The following CPLX1 variants were observed in gnomAD, a reference collection of about 807,000 sequenced individuals.
CPLX1 encodes complexin 1.
Under a neutral mutation model 15.6 loss-of-function variants are expected in CPLX1, and 6 were observed. That is an observed-to-expected ratio of 0.39 (90% CI 0.21 to 0.76). The LOEUF is 0.76. CPLX1 is among the 30% of genes least tolerant of loss of function. The pLI, the probability that CPLX1 is intolerant of heterozygous loss-of-function variation, is 0.43. For missense variants in CPLX1, 242 were observed against 188.6 expected (o/e 1.28, Z -1.66); for synonymous variants, 91 against 75.2 (o/e 1.21, Z -1.08).
chr4:808,348 C>T (rs1746596216), intron 2 of CPLX1, among the ~76,000 whole-genome samples: 2 of 152,174 alleles, frequency 1.3e-5, no homozygotes, highest in African/African-American at 4.8e-5. Context: ...ACCACGGTTA[C>T]CACATCTCCA....
intron 2 of CPLX1, among the ~76,000 whole-genome samples, chr4:810,104 C>G (rs1721496284): frequency 7.0e-6 from 1 of 143,650 alleles, no homozygotes; most frequent in Non-Finnish European, 1.5e-5. Context: ...GGCTGGAGTG[C>G]AGTGGCATGA....
rs755593075 is a variant in CPLX1, at chr4:824,573, G to A, written c.-51C>T. ...CTCCTCCAGGGGTCAGAACTCACACGCAAGTATGGCCGGGAGCGAGTGTTC... is the reference window on the plus strand; with the variant it reads ...CTCCTCCAGGGGTCAGAACTCACACACAAGTATGGCCGGGAGCGAGTGTTC... On this transcript the variant is annotated 5_prime_UTR_variant, in exon 2 of 4. Coordinates refer to ENST00000304062, the MANE Select transcript of CPLX1 (RefSeq NM_006651.4). The A allele has an allele frequency of 5.0e-6, 8 of 1,593,752 alleles. No homozygotes were observed. The highest frequency in any genetic ancestry group is 1.3e-5 in the African/African-American group (1 of 74,566).
chr4:817,580 A>G (rs1351017262), intron 2 of CPLX1, among the ~76,000 whole-genome samples: 2 of 152,030 alleles, frequency 1.3e-5, no homozygotes, highest in Non-Finnish European at 2.9e-5. Context: ...AAATCAGTCC[A>G]AGGAGACTCC....
chr4:788,370 G>A, intron 3 of CPLX1: 2 of 985,300 alleles, frequency 2.0e-6, no homozygotes, highest in Non-Finnish European at 2.4e-6. Flanking sequence ...TCAGTGAGAT[G>A]GAAAGGAGGG....
intron 3 of CPLX1, among the ~76,000 whole-genome samples, chr4:792,001 T>G (rs940153275): frequency 1.8e-4 from 27 of 152,282 alleles, no homozygotes; most frequent in Admixed American, 1.7e-3. Flanking sequence ...CTTGCGTGGC[T>G]GTCCTGGTGC....
chr4:793,519 G>A (rs969274763), intron 2 of CPLX1, among the ~76,000 whole-genome samples: 3 of 152,218 alleles, frequency 2.0e-5, no homozygotes, highest in African/African-American at 7.2e-5. Flanking sequence ...GGCACTGCGG[G>A]GAGCCCTGGC....
chr4:797,980 G>T (rs1746377245), intron 2 of CPLX1, among the ~76,000 whole-genome samples: 1 of 151,034 alleles, frequency 6.6e-6, no homozygotes, highest in East Asian at 2.0e-4. Flanking sequence ...ATAAACAAAA[G>T]AACAGACATA....
At chr4:788,794 G>GC (rs1451649733) in intron 3 of CPLX1, among the ~76,000 whole-genome samples, 1 of 152,252 alleles carries the variant, frequency 6.6e-6, no homozygotes, top group African/African-American at 2.4e-5. Context: ...GGGGGTCTGT[G>GC]CATGTGGCGG....
At chr4:787,032 T>C (rs1312422297) in intron 3 of CPLX1, 2 of 984,968 alleles carry the variant, frequency 2.0e-6, no homozygotes, top group Non-Finnish European at 2.4e-6. Context: ...CCAGGAAGCC[T>C]CCGGCCCGGG....
At position 785,491 on chromosome 4, in the gene CPLX1, C is replaced by T. The variant is rs1031745129; in HGVS notation, c.*1010G>A. On this transcript the variant is annotated 3_prime_UTR_variant, in exon 4 of 4. Coordinates refer to ENST00000304062, the MANE Select transcript of CPLX1 (RefSeq NM_006651.4). The stretch of plus-strand genomic sequence containing the variant: ...GATAAAACTCATTAAATGCAAAGAC[C>T]TCATTTACCTGAGATTCAACAAATT... 3.3e-5 allele frequency: 5 copies of T among 152,580 alleles called. No homozygotes were observed. The highest frequency in any genetic ancestry group is 2.1e-4 in the South Asian group (1 of 4,836). 9.5% of individuals were successfully genotyped at this position (152,580 alleles called of 1,614,324 possible). A position where few individuals can be genotyped will look rare whatever the true frequency, so the allele number is the denominator to read the frequency against.
At chr4:809,974 C>T (rs1260305442) in intron 2 of CPLX1, among the ~76,000 whole-genome samples, 2 of 152,102 alleles carry the variant, frequency 1.3e-5, no homozygotes, top group Non-Finnish European at 2.9e-5. Flanking sequence ...TGGATGCACA[C>T]GGCTCCTTCA....
intron 2 of CPLX1, among the ~76,000 whole-genome samples, chr4:814,115 C>T (rs534519177): frequency 6.6e-6 from 1 of 152,188 alleles, no homozygotes; most frequent in Non-Finnish European, 1.5e-5. Context: ...CCTGCTTTTC[C>T]CACCACTTGC....
chr4:801,277 G>A (rs532207008), intron 2 of CPLX1, among the ~76,000 whole-genome samples: 16 of 152,004 alleles, frequency 1.1e-4, no homozygotes, highest in Admixed American at 2.6e-4. Flanking sequence ...AGCCGAGATC[G>A]GGCCACTGCA....
rs1238109910 is a variant in CPLX1 at position 785,715 on chromosome 4, C to T, written c.*786G>A. On this transcript the variant is annotated 3_prime_UTR_variant, in exon 4 of 4. Coordinates refer to ENST00000304062, the MANE Select transcript of CPLX1 (RefSeq NM_006651.4). ...TCCGGTGCCTCGGGCCTCTGCGGCT[C>T]CTGTGGAGGGTGCAGTGTTCAATGG... 2 of 152,260 alleles carry T rather than the reference C, an allele frequency of 1.3e-5. No individual in the cohort carries two copies. The highest frequency in any genetic ancestry group is 2.4e-5 in the African/African-American group (1 of 41,402). The allele number at this position is 152,260 out of a possible 1,614,324, so 9.4% of individuals were successfully genotyped here.
intron 2 of CPLX1, among the ~76,000 whole-genome samples, chr4:819,901 G>GGAC (rs1746829194): frequency 6.6e-6 from 1 of 152,224 alleles, no homozygotes; most frequent in Non-Finnish European, 1.5e-5. Flanking sequence ...GATCCACTGA[G>GGAC]GACGAAGGTG....
At chr4:817,102 G>C (rs1400533150) in intron 2 of CPLX1, among the ~76,000 whole-genome samples, 1 of 152,070 alleles carries the variant, frequency 6.6e-6, no homozygotes, top group Non-Finnish European at 1.5e-5. Flanking sequence ...ACATATGTTG[G>C]TCAAAACAGT....
chr4:815,288 G>C (rs989927783), intron 2 of CPLX1, among the ~76,000 whole-genome samples: 1 of 151,484 alleles, frequency 6.6e-6, no homozygotes, highest in Non-Finnish European at 1.5e-5. Context: ...GCAGGTGCCT[G>C]TAATCCCAGC....
chr4:823,463 A>G (rs1264017319), intron 2 of CPLX1, among the ~76,000 whole-genome samples: 1 of 152,158 alleles, frequency 6.6e-6, no homozygotes, highest in East Asian at 1.9e-4. Context: ...CACTGCAGAA[A>G]TGCTCCCAGG....
chr4:789,121 C>A (rs996672393), intron 3 of CPLX1, among the ~76,000 whole-genome samples: 2 of 152,202 alleles, frequency 1.3e-5, no homozygotes, highest in Non-Finnish European at 2.9e-5. Context: ...CGGACTTGGC[C>A]TGAGGGCCAG....
Sources: gnomAD v4.1 joint callset for allele counts (sites outside exome capture counted in the v4.1 genomes callset) on GRCh38, gnomAD v4.1.1 for gene constraint, MANE v1.5 for transcripts, NCBI Gene and HGNC (gene_info 2026-07-23, HGNC 2026-07-21) for gene names.